Variants in CHODL observed in about 807,000 individuals in gnomAD.
CHODL encodes the protein transmembrane protein MT75.
CHODL carries 29 observed loss-of-function variants against 34.5 expected under a neutral mutation model. That is an observed-to-expected ratio of 0.84 (90% CI 0.63 to 1.15). The LOEUF is 1.15. Among genes scored for constraint, CHODL ranks in the 50% most tolerant of loss-of-function variants. The pLI is 0.00. For missense variants in CHODL, 332 were observed against 332.5 expected, an observed-to-expected ratio of 1.00 and a Z score of 0.01; for synonymous variants, 125 against 116.1, an observed-to-expected ratio of 1.08 and a Z score of -0.49.
At chr21:17,941,464 T>TC (rs1314736138) in intron 1 of CHODL, among the ~76,000 whole-genome samples, 2 of 144,830 alleles carry the variant, frequency 1.4e-5, no homozygotes, top group South Asian at 2.2e-4. Context: ...TTTTTTTTTT[T>TC]CTGAATGTTC....
chr21:18,041,042 T>C (rs1190677948), intron 2 of CHODL, among the ~76,000 whole-genome samples: 1 of 151,994 alleles, frequency 6.6e-6, no homozygotes, highest in African/African-American at 2.4e-5. Context: ...TTATTGTGAT[T>C]ATTTCCTCCC....
At chr21:18,143,937 TA>T (rs2072833721) in intron 2 of CHODL, among the ~76,000 whole-genome samples, 1 of 152,114 alleles carries the variant, frequency 6.6e-6, no homozygotes, top group African/African-American at 2.4e-5. Context: ...TGGGGTACTA[TA>T]ATTTCATTAA....
intron 4 of CHODL, among the ~76,000 whole-genome samples, chr21:18,261,415 C>T (rs1286195242): frequency 6.6e-6 from 1 of 151,750 alleles, no homozygotes; most frequent in African/African-American, 2.4e-5. Flanking sequence ...CCTGTAATCC[C>T]AGCACTTTGG....
chr21:18,073,065 T>C (rs1260902259), intron 2 of CHODL, among the ~76,000 whole-genome samples: 1 of 152,140 alleles, frequency 6.6e-6, no homozygotes, highest in Admixed American at 6.5e-5. Context: ...ATTTTGGAGA[T>C]GGGAAATATT....
chr21:17,933,208 G>A (rs559260589), intron 1 of CHODL, among the ~76,000 whole-genome samples: 5 of 152,258 alleles, frequency 3.3e-5, no homozygotes, highest in Non-Finnish European at 7.4e-5. Context: ...CCTTCCTCTT[G>A]TTTCAACTGC....
chr21:17,984,916 A>T (rs1384449202), intron 1 of CHODL, among the ~76,000 whole-genome samples: 1 of 152,116 alleles, frequency 6.6e-6, no homozygotes, highest in Non-Finnish European at 1.5e-5. Flanking sequence ...TATATATGGA[A>T]TCTGTCCCTT....
chr21:18,079,166 T>C (rs1385794458), intron 2 of CHODL, among the ~76,000 whole-genome samples: 12 of 152,030 alleles, frequency 7.9e-5, no homozygotes, highest in Admixed American at 7.9e-4. Flanking sequence ...ATTATTCTTC[T>C]CTGTATGTCC....
At chr21:18,110,123 A>G (rs2065329014) in intron 2 of CHODL, among the ~76,000 whole-genome samples, 2 of 152,126 alleles carry the variant, frequency 1.3e-5, no homozygotes, top group African/African-American at 4.8e-5. Context: ...TATTATTTGA[A>G]TTTTCCTAGA....
intron 1 of CHODL, among the ~76,000 whole-genome samples, chr21:17,939,428 A>G (rs1022895617): frequency 6.6e-6 from 1 of 152,202 alleles, no homozygotes; most frequent in Non-Finnish European, 1.5e-5. Context: ...TTTAAAGCTA[A>G]ACAGTATTGC....
intron 2 of CHODL, among the ~76,000 whole-genome samples, chr21:18,085,237 C>A (rs2064991909): frequency 1.3e-5 from 2 of 151,932 alleles, no homozygotes; most frequent in African/African-American, 2.4e-5. Flanking sequence ...TTTGATTCAT[C>A]TTCCAATCTG....
At chr21:17,977,924 A>AAAAAAAG (rs2063678864) in intron 1 of CHODL, among the ~76,000 whole-genome samples, 1 of 150,446 alleles carries the variant, frequency 6.6e-6, no homozygotes, top group Admixed American at 6.6e-5. Context: ...ATCTCAAAAA[A>AAAAAAAG]AAAAAAAAAA....
At chr21:18,085,009 A>C (rs1177709030) in intron 2 of CHODL, among the ~76,000 whole-genome samples, 6 of 149,580 alleles carry the variant, frequency 4.0e-5, no homozygotes, top group African/African-American at 1.5e-4. Context: ...GAATTATTAG[A>C]ATCTGTTTTT....
At chr21:18,245,927 T>C (rs1362249207) in intron 1 of CHODL, 1 of 1,535,540 alleles carries the variant, frequency 6.5e-7, no homozygotes, top group Non-Finnish European at 8.7e-7. Flanking sequence ...CAGCTGGAGT[T>C]GGGCCGAGGT....
chr21:18,174,137 A>ATATATATATATATATATATCTTGG (rs1568923134), intron 2 of CHODL, among the ~76,000 whole-genome samples: 1 of 62,482 alleles, frequency 1.6e-5, no homozygotes, highest in Non-Finnish European at 3.5e-5. Context: ...ATATATATAT[A>ATATATATATATATATATATCTTGG]TATATATATA....
intron 2 of CHODL, among the ~76,000 whole-genome samples, chr21:18,236,911 C>A (rs2074033418): frequency 6.6e-6 from 1 of 151,926 alleles, no homozygotes; most frequent in Non-Finnish European, 1.5e-5. Flanking sequence ...TCCTAGTGTG[C>A]AAGACACTGT....
intron 2 of CHODL, among the ~76,000 whole-genome samples, chr21:18,212,316 C>T (rs1458514982): frequency 6.6e-6 from 1 of 152,074 alleles, no homozygotes; most frequent in African/African-American, 2.4e-5. Context: ...CAATAAGAGA[C>T]TCTTTTTGGT....
rs551649478 is a variant in CHODL, at chr21:18,266,144, T to C, written c.*106T>C. 1 of 1,599,912 alleles carries C rather than the reference T, an allele frequency of 6.3e-7. No homozygotes were observed. Among genetic ancestry groups the C allele is most frequent in the South Asian group, 1.1e-5 (1 of 89,674 alleles). On this transcript the variant is annotated 3_prime_UTR_variant, in exon 6 of 6. Transcript: ENST00000299295. ...TTGAAATCACAAAGGATCTGCAAGA[T>C]GAACTGTAAGCTCCCCCTTGAGGCA...
chr21:17,982,529 T>G (rs2063721995), intron 1 of CHODL, among the ~76,000 whole-genome samples: 1 of 150,522 alleles, frequency 6.6e-6, no homozygotes, highest in Non-Finnish European at 1.5e-5. Context: ...AATTATTTTA[T>G]TATAGGAACA....
intron 2 of CHODL, among the ~76,000 whole-genome samples, chr21:18,041,672 G>A (rs546068428): frequency 5.3e-5 from 8 of 151,980 alleles, no homozygotes; most frequent in Admixed American, 2.0e-4. Context: ...TTAGAATTTT[G>A]TAGTAGACTG....
Sources: gnomAD v4.1 joint callset for allele counts (sites outside exome capture counted in the v4.1 genomes callset) on GRCh38, gnomAD v4.1.1 for gene constraint, MANE v1.5 for transcripts, NCBI Gene and HGNC (gene_info 2026-07-23, HGNC 2026-07-21) for gene names.